Variants in ENPP2 observed in about 807,000 individuals in gnomAD.
ENPP2 encodes the protein ectonucleotide pyrophosphatase/phosphodiesterase 2, also known as autotaxin.
Under a neutral mutation model 120.2 loss-of-function variants are expected in ENPP2, and 51 were observed. That is an observed-to-expected ratio of 0.42 (90% CI 0.34 to 0.54). The LOEUF is 0.54. Ranked by LOEUF, ENPP2 falls within the 20% of genes least tolerant of loss-of-function variation. ENPP2 has a pLI of 0.04. For synonymous variants in ENPP2, 365 were observed against 366.4 expected, an observed-to-expected ratio of 1.00 and a Z score of 0.04; for missense variants, 920 against 1,066.5, an observed-to-expected ratio of 0.86 and a Z score of 1.91.
At chr8:119,665,200 A>G (rs1433349088) in intron 1 of ENPP2, among the ~76,000 whole-genome samples, 1 of 152,250 alleles carries the variant, frequency 6.6e-6, no homozygotes, top group Non-Finnish European at 1.5e-5. Context: ...TATGATTTCA[A>G]CATTTGAATT....
Position 119,616,397 on chromosome 8 carries a change from G to A in ENPP2, c.658-13C>T, listed in dbSNP as rs1158901714. Reference sequence around the variant, plus strand: ...CTGGATATAGCCCCTTTTTGTAAAAGCAAATTTATTGTTAAAATAACAATA... The same window carrying A: ...CTGGATATAGCCCCTTTTTGTAAAAACAAATTTATTGTTAAAATAACAATA... On this transcript the variant is annotated splice_polypyrimidine_tract_variant and intron_variant, in intron 7 of 24. Transcript: ENST00000075322. The A allele has an allele frequency of 6.4e-7, 1 of 1,566,508 alleles. No individual in the cohort carries two copies. Among genetic ancestry groups the A allele is most frequent in the South Asian group, 1.1e-5 (1 of 87,604 alleles).
chr8:119,592,825 C>CTTTTTTTTTT (rs10602946), intron 12 of ENPP2: 11 of 93,624 alleles, frequency 1.2e-4, no homozygotes, highest in Non-Finnish European at 1.6e-4. Flanking sequence ...ATCCCTTTGG[C>CTTTTTTTTTT]TTTTTTTTTT....
chr8:119,625,481 A>G (rs1459110150), intron 3 of ENPP2, among the ~76,000 whole-genome samples: 2 of 152,244 alleles, frequency 1.3e-5, no homozygotes, highest in African/African-American at 4.8e-5. Context: ...GCTACCACTT[A>G]GGCAAAACAC....
intron 1 of ENPP2, among the ~76,000 whole-genome samples, chr8:119,655,296 C>T (rs886237363): frequency 2.0e-5 from 3 of 152,218 alleles, no homozygotes; most frequent in African/African-American, 4.8e-5. Flanking sequence ...AACAGAGAGT[C>T]ACCGCATATT....
chr8:119,571,579 G>A (rs1359131756), intron 19 of ENPP2: 4 of 152,126 alleles, frequency 2.6e-5, no homozygotes, highest in African/African-American at 9.7e-5. Context: ...TGGGAGTTCA[G>A]TATGAAAATC....
At chr8:119,637,709 C>T (rs978199694) in intron 2 of ENPP2, among the ~76,000 whole-genome samples, 19 of 152,196 alleles carry the variant, frequency 1.2e-4, no homozygotes, top group Admixed American at 3.9e-4. Context: ...CAACTCATTG[C>T]TTAAGACCTG....
At chr8:119,575,829 A>G (rs1038740217) in intron 19 of ENPP2, among the ~76,000 whole-genome samples, 5 of 152,232 alleles carry the variant, frequency 3.3e-5, no homozygotes, top group African/African-American at 1.2e-4. Flanking sequence ...GAATATTGCT[A>G]GGTAAAAGTT....
chr8:119,641,614 T>C (rs1290911854), upstream of ENPP2, among the ~76,000 whole-genome samples: 1 of 152,218 alleles, frequency 6.6e-6, no homozygotes, highest in East Asian at 1.9e-4. Context: ...TTGTCAACAG[T>C]CTCAGTCCCT....
chr8:119,597,001 G>T (rs898101420), intron 11 of ENPP2, among the ~76,000 whole-genome samples: 15 of 152,052 alleles, frequency 9.9e-5, no homozygotes, highest in African/African-American at 2.9e-4. Flanking sequence ...GAGGGTGGGT[G>T]GGGGGAATGT....
At chr8:119,575,085 G>A (rs2130186142) in intron 19 of ENPP2, among the ~76,000 whole-genome samples, 1 of 152,264 alleles carries the variant, frequency 6.6e-6, no homozygotes. Flanking sequence ...GTAAGTTAAT[G>A]ATACATATTT....
At chr8:119,589,019 G>A (rs923165267) in intron 13 of ENPP2, among the ~76,000 whole-genome samples, 5 of 152,068 alleles carry the variant, frequency 3.3e-5, no homozygotes, top group Admixed American at 1.3e-4. Context: ...TCTATAAAAG[G>A]GATAGTGATA....
intron 8 of ENPP2, 81 bp from the exon 9 acceptor site, chr8:119,608,058 C>T: frequency 2.3e-6 from 2 of 881,756 alleles, no homozygotes; most frequent in South Asian, 1.6e-5. Context: ...TACATTAGAT[C>T]AGATATCTTA....
Position 119,569,262 on chromosome 8 carries a change from T to G in ENPP2, c.2026A>C (p.Met676Leu), listed in dbSNP as rs371899853. 1 of 1,613,962 alleles carries G rather than the reference T, an allele frequency of 6.2e-7. No individual in the cohort carries two copies. Among genetic ancestry groups the G allele is most frequent in the African/African-American group, 1.3e-5 (1 of 74,890 alleles). ...NCLAYKNDKQ[M>L]SYGFLFPPYL... ...GGAGGAAAGAGGAATCCGTAGGACA[T>G]CTGCTTATCATTTTTGTAGGCCAAA... Residue 676 changes from methionine (M) to leucine (L), a missense_variant, in exon 21 of 25, where the codon ATG (methionine) becomes CTG (leucine). Physicochemically the swap from Met to Leu is conservative, Grantham distance 15. Transcript: ENST00000075322.
intron 2 of ENPP2, among the ~76,000 whole-genome samples, chr8:119,630,231 C>T (rs568671940): frequency 6.6e-6 from 1 of 152,122 alleles, no homozygotes; most frequent in African/African-American, 2.4e-5. Flanking sequence ...GCCTCAGCCT[C>T]CTGAGTAGCT....
intron 24 of ENPP2, 78 bp downstream of exon 24, chr8:119,562,779 T>C (rs964995516): frequency 2.2e-6 from 3 of 1,349,116 alleles, no homozygotes; most frequent in Non-Finnish European, 3.1e-6. Flanking sequence ...ATGTTCTAGT[T>C]CAATGATGGA....
intron 1 of ENPP2, among the ~76,000 whole-genome samples, chr8:119,653,068 C>A (rs371041663): frequency 5.9e-5 from 9 of 152,062 alleles, no homozygotes; most frequent in African/African-American, 2.2e-4. Flanking sequence ...GATTCCTGCC[C>A]ACATCCAGGA....
chr8:119,605,428 A>ATGTGTGTGTGTG (rs557037737), intron 9 of ENPP2, among the ~76,000 whole-genome samples: 5,205 of 135,092 alleles, frequency 0.039, 156 homozygotes, highest in African/African-American at 0.058. Context: ...AAGATACCAT[A>ATGTGTGTGTGTG]TATGTGTGTG....
At chr8:119,664,161 G>T (rs1818004097) in intron 1 of ENPP2, among the ~76,000 whole-genome samples, 1 of 152,144 alleles carries the variant, frequency 6.6e-6, no homozygotes, top group South Asian at 2.1e-4. Flanking sequence ...TATAAAAATG[G>T]GGAAAAGTGG....
chr8:119,628,836 A>G (rs1223555305), intron 2 of ENPP2, among the ~76,000 whole-genome samples: 1 of 152,188 alleles, frequency 6.6e-6, no homozygotes, highest in Non-Finnish European at 1.5e-5. Flanking sequence ...CGTTTTTAAA[A>G]TGCAGGTGTG....
Sources: allele counts gnomAD v4.1 joint callset (sites outside exome capture counted in the v4.1 genomes callset), GRCh38; gene constraint gnomAD v4.1.1; transcripts MANE v1.5; gene names NCBI Gene and HGNC (gene_info 2026-07-23, HGNC 2026-07-21).